Variants in ATF7IP2 observed in about 807,000 individuals in gnomAD.
ATF7IP2 encodes activating transcription factor 7 interacting protein 2.
Under a neutral mutation model 64.2 loss-of-function variants are expected in ATF7IP2, and 42 were observed. The observed-to-expected ratio is 0.65, with a 90% CI of 0.51 to 0.85. ATF7IP2 has a LOEUF of 0.85. ATF7IP2 is among the 40% of genes least tolerant of loss of function. ATF7IP2 has a pLI of 0.00. For synonymous variants in ATF7IP2, 308 were observed against 272.8 expected (o/e 1.13, Z -1.27); for missense variants, 933 against 784.2 (o/e 1.19, Z -2.27).
intron 2 of ATF7IP2, among the ~76,000 whole-genome samples, chr16:10,418,007 G>C (rs1567439316): frequency 6.6e-6 from 1 of 152,204 alleles, no homozygotes; most frequent in Non-Finnish European, 1.5e-5. Context: ...CACACACACA[G>C]AAATATAGAG....
intron 9 of ATF7IP2, among the ~76,000 whole-genome samples, chr16:10,467,799 C>G (rs1038736921): frequency 5.3e-5 from 8 of 151,526 alleles, no homozygotes; most frequent in African/African-American, 1.9e-4. Context: ...GTGATCCACC[C>G]GCCTCGGCCC....
At chr16:10,449,191 T>C (rs2141974142) in intron 8 of ATF7IP2, 1 of 152,338 alleles carries the variant, frequency 6.6e-6, no homozygotes, top group African/African-American at 2.4e-5. Flanking sequence ...AGCTTTTTGA[T>C]GTGCTGCTGG....
intron 8 of ATF7IP2, chr16:10,446,344 TC>T (rs2048804540): frequency 1.3e-5 from 2 of 152,194 alleles, no homozygotes; most frequent in South Asian, 4.1e-4. Context: ...ATTTTAAAAT[TC>T]TTGAGTCAGT....
intron 2 of ATF7IP2, among the ~76,000 whole-genome samples, chr16:10,417,097 A>C (rs1352317150): frequency 6.6e-6 from 1 of 152,218 alleles, no homozygotes; most frequent in Non-Finnish European, 1.5e-5. Flanking sequence ...ACAATCACAT[A>C]AAGGAAGAGA....
In ATF7IP2 at chr16:10,430,690, A is replaced by C. The variant is rs1217086770; in HGVS notation, c.70A>C (p.Lys24Gln). The C allele has an allele frequency of 6.2e-7, 1 of 1,614,166 alleles. No individual in the cohort carries two copies. Among genetic ancestry groups the C allele is most frequent in the Non-Finnish European group, 8.5e-7 (1 of 1,180,020 alleles). Residue 24 changes from lysine (K) to glutamine (Q), a missense_variant, in exon 5 of 14, where the codon AAG becomes CAG. Coordinates refer to ENST00000562102, the MANE Select transcript of ATF7IP2 (RefSeq NM_001393719.1). ...AKKTMPLSCR[K>Q]QVEMLNKSRN... ...AAAGACAATGCCCCTAAGTTGCCGGAAGCAAGTAGAGATGCTGAATAAGTC... is the reference window on the plus strand; with the variant it reads ...AAAGACAATGCCCCTAAGTTGCCGGCAGCAAGTAGAGATGCTGAATAAGTC...
At chr16:10,473,701 C>A (rs943167863) in intron 11 of ATF7IP2, among the ~76,000 whole-genome samples, 167 bp downstream of exon 11, 7 of 152,140 alleles carry the variant, frequency 4.6e-5, no homozygotes, top group African/African-American at 9.7e-5. Flanking sequence ...TTACCAAATT[C>A]ATTTACATTC....
rs1373450958 is a variant in ATF7IP2 at position 10,433,521 on chromosome 16, C to T, written c.836-4C>T. 3 of 1,611,656 alleles carry T rather than the reference C, an allele frequency of 1.9e-6. No homozygotes were observed. The highest frequency in any genetic ancestry group is 2.5e-6 in the Non-Finnish European group (3 of 1,178,334). On this transcript the variant is annotated splice_polypyrimidine_tract_variant and splice_region_variant and intron_variant, in intron 5 of 13. Transcript: ENST00000562102. Reference sequence around the variant, plus strand: ...TTTCTTTCTAATCTTTTGATCTCCTCAAGGCCATTATCAAAAGAAGAGGAT... The same window carrying T: ...TTTCTTTCTAATCTTTTGATCTCCTTAAGGCCATTATCAAAAGAAGAGGAT...
intron 12 of ATF7IP2, among the ~76,000 whole-genome samples, chr16:10,478,191 G>A (rs1224082078): frequency 0.01 from 1,539 of 148,054 alleles, 23 homozygotes; most frequent in African/African-American, 0.036. Context: ...AGCCCGCATC[G>A]CCAAGTCAAT....
intron 9 of ATF7IP2, among the ~76,000 whole-genome samples, chr16:10,471,062 C>G (rs2049781913): frequency 1.3e-5 from 2 of 151,934 alleles, no homozygotes; most frequent in African/African-American, 4.8e-5. Context: ...CATTGGTTTA[C>G]AACAAAGGTA....
chr16:10,410,461 A>G (rs920825550), intron 1 of ATF7IP2, among the ~76,000 whole-genome samples: 22 of 152,140 alleles, frequency 1.4e-4, no homozygotes, highest in African/African-American at 4.8e-4. Context: ...AGAGCTACTG[A>G]TTTGTGTATA....
At chr16:10,475,550 G>A (rs543789081) in intron 12 of ATF7IP2, among the ~76,000 whole-genome samples, 36 of 151,726 alleles carry the variant, frequency 2.4e-4, no homozygotes, top group African/African-American at 7.3e-4. Context: ...AAAATTAGCC[G>A]GGTGTGGTGG....
chr16:10,410,361 T>C lies in ATF7IP2; in HGVS notation c.-241-4213T>C, dbSNP rs533511343. On this transcript the variant is annotated intron_variant, in intron 1 of 13. Coordinates refer to ENST00000562102, the MANE Select transcript of ATF7IP2 (RefSeq NM_001393719.1). ...TGTTTTGTTTTGTTTTGTTTTGTTTTTGTTTTTGTTTTGTTTTGTTTTCCC... is the reference window on the plus strand; with the variant it reads ...TGTTTTGTTTTGTTTTGTTTTGTTTCTGTTTTTGTTTTGTTTTGTTTTCCC... Among the ~76,000 whole-genome samples the C allele has an allele frequency of 3.3e-3, 488 of 147,066 alleles. 2 individuals are homozygous for C. The highest frequency in any genetic ancestry group is 0.013 in the African/African-American group (475 of 37,464).
At chr16:10,467,878 C>CTTT (rs111532750) in intron 9 of ATF7IP2, among the ~76,000 whole-genome samples, 4 of 127,458 alleles carry the variant, frequency 3.1e-5, no homozygotes, top group East Asian at 2.3e-4. Context: ...ATCAAATATT[C>CTTT]TTTTTTTTTT....
Position 10,430,730 on chromosome 16 carries a change from C to T in ATF7IP2, c.110C>T (p.Ala37Val), listed in dbSNP as rs758481978. ...EMLNKSRNVE[A>V]LKTAIGSNVP... The stretch of plus-strand genomic sequence containing the variant: ...CTGAATAAGTCAAGGAATGTTGAAG[C>T]GCTGAAAACAGCAATTGGGAGTAAT... The change falls in exon 5 of 14, where the codon GCG becomes GTG. Residue 37 changes from alanine to valine, a missense_variant. Coordinates refer to ENST00000562102, the MANE Select transcript of ATF7IP2 (RefSeq NM_001393719.1). The T allele has an allele frequency of 9.9e-6, 16 of 1,613,984 alleles. No homozygotes were observed. The highest frequency in any genetic ancestry group is 4.0e-5 in the African/African-American group (3 of 75,006).
intron 8 of ATF7IP2, among the ~76,000 whole-genome samples, chr16:10,450,878 G>A (rs1216206320): frequency 1.3e-5 from 2 of 152,126 alleles, no homozygotes; most frequent in Admixed American, 1.3e-4. Flanking sequence ...TGGTTATTTT[G>A]CCGGTTAGTT....
chr16:10,397,873 A>G (rs1021615194), intron 1 of ATF7IP2, among the ~76,000 whole-genome samples: 1 of 151,712 alleles, frequency 6.6e-6, no homozygotes, highest in African/African-American at 2.4e-5. Flanking sequence ...AAAAAAAAAA[A>G]GGCAAAGGAC....
intron 6 of ATF7IP2, among the ~76,000 whole-genome samples, chr16:10,436,389 G>A (rs1316221278): frequency 7.0e-5 from 7 of 100,584 alleles, no homozygotes; most frequent in Non-Finnish European, 1.4e-4. Flanking sequence ...GTGTTACTGA[G>A]CCTTTTTTTT....
intron 9 of ATF7IP2, among the ~76,000 whole-genome samples, chr16:10,458,675 G>C (rs903784112): frequency 7.2e-5 from 11 of 151,792 alleles, no homozygotes; most frequent in African/African-American, 2.7e-4. Flanking sequence ...CCAAAGAATA[G>C]AAAAAAAGGG....
At chr16:10,455,814 T>C (rs1012880553) in intron 8 of ATF7IP2, among the ~76,000 whole-genome samples, 4 of 152,088 alleles carry the variant, frequency 2.6e-5, no homozygotes, top group African/African-American at 7.2e-5. Context: ...AAAAGCATTG[T>C]TGGTGAGGAC....
Sources: gnomAD v4.1 joint callset for allele counts (sites outside exome capture counted in the v4.1 genomes callset) on GRCh38, gnomAD v4.1.1 for gene constraint, MANE v1.5 for transcripts, NCBI Gene and HGNC (gene_info 2026-07-23, HGNC 2026-07-21) for gene names.